FRMD3: variants seen among roughly 807,000 people sequenced by gnomAD.
The protein encoded by FRMD3 is FERM domain-containing protein 3.
A neutral mutation model predicts 70.2 loss-of-function variants in FRMD3; 33 were observed. The ratio of observed to expected loss-of-function variants is 0.47; its 90% CI spans 0.36 to 0.63. FRMD3 has a LOEUF of 0.63. Ranked by LOEUF, FRMD3 falls within the 20% of genes least tolerant of loss-of-function variation. FRMD3 has a pLI of 0.00. For synonymous variants in FRMD3, 279 were observed against 255.9 expected (o/e 1.09, Z -0.86); for missense variants, 632 against 711.4 (o/e 0.89, Z 1.27).
chr9:83,256,629 A>C (rs1465342418), intron 13 of FRMD3, among the ~76,000 whole-genome samples: 1 of 152,172 alleles, frequency 6.6e-6, no homozygotes, highest in Non-Finnish European at 1.5e-5. Context: ...ACAAAGGTCT[A>C]ATGTCCACAG....
chr9:83,387,683 G>A (rs1825550242), intron 2 of FRMD3, among the ~76,000 whole-genome samples: 1 of 152,158 alleles, frequency 6.6e-6, no homozygotes, highest in Non-Finnish European at 1.5e-5. Flanking sequence ...CTTATTAACT[G>A]TGAAACCTGG....
At chr9:83,585,000 G>A in the FRMD3 span, among the ~76,000 whole-genome samples, 2 of 152,202 alleles carry the variant, frequency 1.3e-5, no homozygotes, top group Non-Finnish European at 2.9e-5. Context: ...TTTCGTTTAA[G>A]TCTGAGGTTT....
intron 1 of FRMD3, among the ~76,000 whole-genome samples, chr9:83,438,122 A>C (rs919498883): frequency 1.7e-4 from 26 of 152,192 alleles, no homozygotes; most frequent in African/African-American, 6.0e-4. Flanking sequence ...CCAAGAAAGG[A>C]TCTAACTCAA....
rs75304232 is a variant in FRMD3 at position 83,494,863 on chromosome 9, G to A, written c.147+43222C>T. 3.9e-3 allele frequency among the ~76,000 whole-genome samples: 428 copies of A among 110,290 alleles called. 3 individuals carry two copies. The highest frequency in any genetic ancestry group is 0.012 in the African/African-American group (397 of 33,340). 72.4% of individuals were successfully genotyped at this position (110,290 alleles called of 152,430 possible). A position where few individuals can be genotyped will look rare whatever the true frequency, so the allele number is the denominator to read the frequency against. On this transcript the variant is annotated intron_variant, in intron 1 of 13. Transcript: ENST00000304195. Reference sequence around the variant, plus strand: ...TGTGTGTGTGTGTGTGTGTGTGCGCGCGCGCATGTGCGTGTGTATATATAT... The same window carrying A: ...TGTGTGTGTGTGTGTGTGTGTGCGCACGCGCATGTGCGTGTGTATATATAT...
At chr9:83,382,332 A>G (rs1007554636) in intron 2 of FRMD3, among the ~76,000 whole-genome samples, 10 of 152,230 alleles carry the variant, frequency 6.6e-5, no homozygotes, top group Non-Finnish European at 1.3e-4. Context: ...GGATTGTTAC[A>G]TAGGTAATCA....
chr9:83,483,178 T>C (rs1454465743), intron 1 of FRMD3, among the ~76,000 whole-genome samples: 1 of 152,180 alleles, frequency 6.6e-6, no homozygotes, highest in Non-Finnish European at 1.5e-5. Context: ...AGTGAATGAG[T>C]TCTCACAAGA....
At chr9:83,562,943 T>C in the FRMD3 span, among the ~76,000 whole-genome samples, 2 of 148,948 alleles carry the variant, frequency 1.3e-5, no homozygotes, top group Admixed American at 6.7e-5. Flanking sequence ...ATAAATGTTA[T>C]TGAATGAGAG....
chr9:83,535,940 C>T (rs1189755288), intron 1 of FRMD3, among the ~76,000 whole-genome samples: 2 of 152,166 alleles, frequency 1.3e-5, no homozygotes, highest in African/African-American at 2.4e-5. Context: ...GTTTTTTAAT[C>T]CTTTTGTTCT....
At chr9:83,352,704 C>T (rs998116513) in intron 3 of FRMD3, among the ~76,000 whole-genome samples, 3 of 152,184 alleles carry the variant, frequency 2.0e-5, no homozygotes, top group Non-Finnish European at 2.9e-5. Flanking sequence ...CTTCACCAGC[C>T]GGCCCCTCCA....
intron 1 of FRMD3, among the ~76,000 whole-genome samples, chr9:83,401,430 G>A (rs1293739418): frequency 6.6e-6 from 1 of 152,204 alleles, no homozygotes; most frequent in East Asian, 1.9e-4. Flanking sequence ...CTGAGACCCA[G>A]AGAATTTTAG....
chr9:83,418,473 A>C (rs1157385967), intron 1 of FRMD3, among the ~76,000 whole-genome samples: 1 of 152,228 alleles, frequency 6.6e-6, no homozygotes, highest in African/African-American at 2.4e-5. Context: ...AATATTATGA[A>C]TAGACATTGT....
At chr9:83,578,097 C>T in the FRMD3 span, among the ~76,000 whole-genome samples, 5,242 of 151,658 alleles carry the variant, frequency 0.035, 324 homozygotes, top group African/African-American at 0.12. Context: ...AATTTCTAGA[C>T]ACAAACGGCC....
chr9:83,496,827 G>T (rs1272317686), intron 1 of FRMD3, among the ~76,000 whole-genome samples: 1 of 152,160 alleles, frequency 6.6e-6, no homozygotes, highest in African/African-American at 2.4e-5. Context: ...TAAAATGTCA[G>T]TGTAGACTGG....
At chr9:83,332,019 A>G (rs946638915) in intron 6 of FRMD3, 1 of 650,310 alleles carries the variant, frequency 1.5e-6, no homozygotes, top group African/African-American at 1.8e-5. Flanking sequence ...CAAGTTTCTG[A>G]CTTCCCTGAG....
chr9:83,346,875 G>T (rs987535848), intron 4 of FRMD3, among the ~76,000 whole-genome samples: 2 of 152,048 alleles, frequency 1.3e-5, no homozygotes, highest in Non-Finnish European at 2.9e-5. Context: ...TGCTGGCCCA[G>T]GGACCTCACT....
intron 1 of FRMD3, among the ~76,000 whole-genome samples, chr9:83,509,003 TC>T (rs1020913408): frequency 1.1e-4 from 16 of 143,294 alleles, no homozygotes; most frequent in African/African-American, 3.5e-4. Context: ...TGCCTTTCCT[TC>T]CCCCCCTCCC....
chr9:83,489,764 G>GA (rs1198699328), intron 1 of FRMD3, among the ~76,000 whole-genome samples: 9 of 152,282 alleles, frequency 5.9e-5, no homozygotes, highest in Middle Eastern at 3.4e-3. Context: ...AATATCTGTA[G>GA]AAAAAATCAC....
intron 1 of FRMD3, among the ~76,000 whole-genome samples, chr9:83,478,366 CA>C (rs1403676066): frequency 9.9e-5 from 15 of 152,122 alleles, no homozygotes; most frequent in African/African-American, 3.4e-4. Context: ...TCCAGAAACC[CA>C]TAATTTTCAA....
At chr9:83,293,178 G>A (rs2378659) in intron 12 of FRMD3, among the ~76,000 whole-genome samples, 74,429 of 151,968 alleles carry the variant, frequency 0.49, 20,739 homozygotes, top group South Asian at 0.74. Context: ...AAGGAAGGAG[G>A]GGAGGGAGGG....
Sources: allele counts gnomAD v4.1 joint callset (sites outside exome capture counted in the v4.1 genomes callset), GRCh38; gene constraint gnomAD v4.1.1; transcripts MANE v1.5; gene names NCBI Gene and HGNC (gene_info 2026-07-23, HGNC 2026-07-21).